HSF2BP: variants seen among roughly 807,000 people sequenced by gnomAD.
HSF2BP encodes heat shock transcription factor 2 binding protein.
A neutral mutation model predicts 35.0 loss-of-function variants in HSF2BP; 35 were observed. The ratio of observed to expected loss-of-function variants is 1.00; its 90% confidence interval spans 0.76 to 1.32. The LOEUF is 1.32. HSF2BP is among the 40% of genes most tolerant of loss of function. The pLI is 0.00. For missense variants in HSF2BP, 326 were observed against 321.7 expected, an observed-to-expected ratio of 1.01 and a Z score of -0.10; for synonymous variants, 114 against 117.4, an observed-to-expected ratio of 0.97 and a Z score of 0.18.
intron 8 of HSF2BP, among the ~76,000 whole-genome samples, chr21:43,579,265 A>C (rs2081688804): frequency 6.6e-6 from 1 of 152,258 alleles, no homozygotes; most frequent in African/African-American, 2.4e-5. Context: ...TGAGTTAATG[A>C]AGAACATTCG....
chr21:43,605,813 C>T (rs569807013), intron 7 of HSF2BP, among the ~76,000 whole-genome samples: 4 of 151,572 alleles, frequency 2.6e-5, no homozygotes, highest in Admixed American at 1.3e-4. Context: ...CCCACACAAA[C>T]GCATACACAC....
At chr21:43,607,973 A>G (rs1238124196) in intron 7 of HSF2BP, among the ~76,000 whole-genome samples, 2 of 152,250 alleles carry the variant, frequency 1.3e-5, no homozygotes, top group African/African-American at 4.8e-5. Context: ...CTTAAATGTA[A>G]GACCTCAAAC....
At chr21:43,594,172 A>G (rs1457556275) in intron 7 of HSF2BP, among the ~76,000 whole-genome samples, 1 of 152,224 alleles carries the variant, frequency 6.6e-6, no homozygotes, top group Non-Finnish European at 1.5e-5. Context: ...CAAAAGAGGT[A>G]AAGTAAAAAT....
intron 4 of HSF2BP, among the ~76,000 whole-genome samples, chr21:43,637,254 T>C (rs967030709): frequency 3.3e-5 from 5 of 152,178 alleles, no homozygotes; most frequent in Non-Finnish European, 7.3e-5. Flanking sequence ...AAATGATGTA[T>C]GCTATAACAC....
chr21:43,609,816 G>T (rs942968058), intron 7 of HSF2BP: 2 of 152,330 alleles, frequency 1.3e-5, no homozygotes, highest in Admixed American at 1.3e-4. Context: ...CCCGAGTCAG[G>T]ATAGAGGGTA....
chr21:43,595,066 C>T (rs1472410862), intron 7 of HSF2BP, among the ~76,000 whole-genome samples: 1 of 151,960 alleles, frequency 6.6e-6, no homozygotes, highest in Admixed American at 6.6e-5. Context: ...TCCAAGACCA[C>T]CCTGGCCAAC....
chr21:43,590,527 G>C (rs2081912872), intron 8 of HSF2BP, among the ~76,000 whole-genome samples: 1 of 152,196 alleles, frequency 6.6e-6, no homozygotes, highest in African/African-American at 2.4e-5. Flanking sequence ...ACTTGTACAA[G>C]AATGCTCCCA....
chr21:43,621,128 C>T lies in HSF2BP; in HGVS notation c.575-7181G>A, dbSNP rs1042938463. 2.6e-5 allele frequency among the ~76,000 whole-genome samples: 4 copies of T among 152,210 alleles called. No homozygotes were observed. In the South Asian group the frequency reaches 6.2e-4, roughly 24 times the overall value. ...TACCCCAAGGTATATACTAATCAAA[C>T]TCTCAACATTCAGAAATAAAGAGAG... On this transcript the variant is annotated intron_variant, in intron 6 of 8. Transcript: ENST00000291560.
chr21:43,656,744 G>A lies in HSF2BP; in HGVS notation c.37-7C>T. The A allele has an allele frequency of 6.2e-7, 1 of 1,605,378 alleles. No homozygotes were observed. Among genetic ancestry groups the A allele is most frequent in the Non-Finnish European group, 8.5e-7 (1 of 1,177,196 alleles). On this transcript the variant is annotated splice_polypyrimidine_tract_variant and splice_region_variant and intron_variant, in intron 2 of 8. Coordinates refer to ENST00000291560, the MANE Select transcript of HSF2BP (RefSeq NM_007031.2). ...CCTCTTTAGTTCCCATGTGCTAAAA[G>A]AACAAGCAGATCTTATTATATTTCT...
intron 8 of HSF2BP, among the ~76,000 whole-genome samples, chr21:43,573,217 C>G (rs538997693): frequency 6.6e-6 from 1 of 152,204 alleles, no homozygotes; most frequent in Non-Finnish European, 1.5e-5. Flanking sequence ...GAAGAGCCAC[C>G]TTTCTAATGC....
At chr21:43,655,252 T>C (rs569673029) in intron 3 of HSF2BP, among the ~76,000 whole-genome samples, 9 of 152,328 alleles carry the variant, frequency 5.9e-5, no homozygotes, top group Non-Finnish European at 1.0e-4. Context: ...GAATGACTAA[T>C]CTCAGAAAGT....
At chr21:43,607,352 C>CCA (rs1368773209) in intron 7 of HSF2BP, among the ~76,000 whole-genome samples, 4 of 149,994 alleles carry the variant, frequency 2.7e-5, no homozygotes, top group South Asian at 2.1e-4. Flanking sequence ...TTTACAACAG[C>CCA]CACACACACA....
chr21:43,611,486 T>C (rs2082204110), intron 7 of HSF2BP, among the ~76,000 whole-genome samples: 2 of 152,018 alleles, frequency 1.3e-5, no homozygotes, highest in African/African-American at 4.8e-5. Context: ...GGGAAGAAGA[T>C]CAAAATTTTA....
At chr21:43,607,922 C>T (rs1245389423) in intron 7 of HSF2BP, among the ~76,000 whole-genome samples, 2 of 152,176 alleles carry the variant, frequency 1.3e-5, no homozygotes, top group Admixed American at 6.5e-5. Flanking sequence ...GGACCACTAC[C>T]TCTAACCACA....
intron 6 of HSF2BP, among the ~76,000 whole-genome samples, chr21:43,625,455 G>T (rs766014270): frequency 6.6e-6 from 1 of 152,142 alleles, no homozygotes; most frequent in Non-Finnish European, 1.5e-5. Context: ...GAAGGATGGC[G>T]TGCAGGAAGT....
chr21:43,459,444 T>A, the HSF2BP span, among the ~76,000 whole-genome samples: 2 of 91,214 alleles, frequency 2.2e-5, 1 homozygote, highest in Non-Finnish European at 4.5e-5. Context: ...TCCTGAGTAG[T>A]CCCCTTCCGG....
rs78993921 is a variant in HSF2BP at position 43,648,631 on chromosome 21, A to G, written c.188-4239T>C. Among the ~76,000 whole-genome samples the G allele has an allele frequency of 1.6e-3, 245 of 152,390 alleles. 2 individuals carry two copies. The highest frequency in any genetic ancestry group is 0.013 in the Admixed American group (199 of 15,308). On this transcript the variant is annotated intron_variant, in intron 3 of 8. Coordinates refer to ENST00000291560, the MANE Select transcript of HSF2BP (RefSeq NM_007031.2). ...TTCATGTTCTTTTATCTGGGCCACA[A>G]TAAACTCCGAGTCAAAGTAATAATC...
intron 4 of HSF2BP, among the ~76,000 whole-genome samples, chr21:43,641,059 C>T (rs1190838246): frequency 1.3e-5 from 2 of 152,172 alleles, no homozygotes; most frequent in African/African-American, 4.8e-5. Flanking sequence ...TTAAAAGTTT[C>T]TTGGCTCACT....
At chr21:43,507,225 G>C in the HSF2BP span, among the ~76,000 whole-genome samples, 1 of 125,096 alleles carries the variant, frequency 8.0e-6, no homozygotes, top group African/African-American at 3.0e-5. Context: ...CTGAGAAAGA[G>C]ACAGAGCTGG....
Sources: allele counts gnomAD v4.1 joint callset (sites outside exome capture counted in the v4.1 genomes callset), GRCh38; gene constraint gnomAD v4.1.1; transcripts MANE v1.5; gene names NCBI Gene and HGNC (gene_info 2026-07-23, HGNC 2026-07-21).